The following ARMC1 variants were observed in gnomAD, a reference collection of about 807,000 sequenced individuals.
ARMC1 encodes the protein armadillo repeat containing 1, also known as armadillo repeat-containing protein 1.
Under a neutral mutation model 31.4 loss-of-function variants are expected in ARMC1, and 16 were observed. The ratio of observed to expected loss-of-function variants is 0.51; its 90% CI spans 0.34 to 0.77. The LOEUF is 0.77. Ranked by LOEUF, ARMC1 falls within the 30% of genes least tolerant of loss-of-function variation. The probability of loss-of-function intolerance (pLI) is 0.01; values close to 1 mark genes in which losing one functional copy is unlikely to be tolerated. For missense variants in ARMC1, 259 were observed against 347.5 expected, an observed-to-expected ratio of 0.75 and a Z score of 2.02; for synonymous variants, 114 against 118.9, an observed-to-expected ratio of 0.96 and a Z score of 0.27.
At chr8:65,608,453 C>G (rs1427273097) in intron 4 of ARMC1, among the ~76,000 whole-genome samples, 2 of 150,880 alleles carry the variant, frequency 1.3e-5, no homozygotes, top group Non-Finnish European at 1.5e-5. Context: ...TACTTGAACC[C>G]AGGGGGTGGA....
At chr8:65,610,737 A>G (rs1034443850) in intron 4 of ARMC1, among the ~76,000 whole-genome samples, 17 of 152,088 alleles carry the variant, frequency 1.1e-4, no homozygotes, top group African/African-American at 3.6e-4. Flanking sequence ...CAGACACCAG[A>G]AAACATGCTT....
intron 2 of ARMC1, among the ~76,000 whole-genome samples, chr8:65,624,510 A>AAAAAAAAAAAAAAAAC (rs1808472213): frequency 6.6e-6 from 1 of 151,432 alleles, no homozygotes; most frequent in African/African-American, 2.4e-5. Context: ...AAAAAAAAAA[A>AAAAAAAAAAAAAAAAC]AGACATTTTT....
intron 3 of ARMC1, among the ~76,000 whole-genome samples, chr8:65,620,799 T>TAAAAAAAAAAAAC (rs112946805): frequency 7.2e-6 from 1 of 139,144 alleles, no homozygotes; most frequent in Non-Finnish European, 1.5e-5. Context: ...TAGTTCCATT[T>TAAAAAAAAAAAAC]AAAAAAAAAC....
chr8:65,613,852 C>T (rs1043656919), intron 3 of ARMC1, among the ~76,000 whole-genome samples: 9 of 151,454 alleles, frequency 5.9e-5, no homozygotes, highest in Non-Finnish European at 1.2e-4. Context: ...CCCAGCTACT[C>T]AGGAGTCTGA....
At chr8:65,606,269 G>A (rs1323970262) in intron 4 of ARMC1, among the ~76,000 whole-genome samples, 1 of 151,648 alleles carries the variant, frequency 6.6e-6, no homozygotes, top group Non-Finnish European at 1.5e-5. Flanking sequence ...GCTGAGGCAG[G>A]AGAGTCACTT....
At chr8:65,606,030 G>C (rs990224466) in intron 4 of ARMC1, among the ~76,000 whole-genome samples, 3 of 152,084 alleles carry the variant, frequency 2.0e-5, no homozygotes, top group Middle Eastern at 3.2e-3. Context: ...AGACCATCAT[G>C]GTCTACAAAG....
intron 4 of ARMC1, among the ~76,000 whole-genome samples, chr8:65,607,440 C>G (rs1385912492): frequency 6.6e-6 from 1 of 152,204 alleles, no homozygotes; most frequent in Non-Finnish European, 1.5e-5. Flanking sequence ...CAGGTAGAGT[C>G]TGGTACTAAA....
intron 3 of ARMC1, among the ~76,000 whole-genome samples, chr8:65,616,980 C>T (rs1808281623): frequency 6.6e-6 from 1 of 151,668 alleles, no homozygotes; most frequent in African/African-American, 2.4e-5. Flanking sequence ...CGCCCGGCAG[C>T]CGCCCCATCC....
intron 2 of ARMC1, among the ~76,000 whole-genome samples, chr8:65,625,366 A>G (rs1808491188): frequency 6.6e-6 from 1 of 152,214 alleles, no homozygotes; most frequent in African/African-American, 2.4e-5. Flanking sequence ...GTGAGCCTAC[A>G]ACAGGCCTGA....
chr8:65,616,474 G>C (rs917810813), intron 3 of ARMC1, among the ~76,000 whole-genome samples: 1 of 152,318 alleles, frequency 6.6e-6, no homozygotes, highest in Non-Finnish European at 1.5e-5. Context: ...GCGTAATCTC[G>C]GCTGGCTACA....
intron 1 of ARMC1, among the ~76,000 whole-genome samples, chr8:65,630,815 T>C (rs1808627318): frequency 1.1e-5 from 1 of 94,564 alleles, no homozygotes. Flanking sequence ...CCAGACTCCG[T>C]CTAAAAAAAA....
intron 3 of ARMC1, among the ~76,000 whole-genome samples, chr8:65,615,156 T>C (rs1808222614): frequency 6.6e-6 from 1 of 152,134 alleles, no homozygotes; most frequent in Admixed American, 6.6e-5. Flanking sequence ...TCAATTACTA[T>C]ATCAAGTGCT....
intron 3 of ARMC1, among the ~76,000 whole-genome samples, chr8:65,617,170 T>A (rs564357627): frequency 5.3e-5 from 8 of 152,356 alleles, no homozygotes; most frequent in African/African-American, 1.9e-4. Flanking sequence ...GGCGGTTTTG[T>A]CGAATAGAAA....
intron 1 of ARMC1, among the ~76,000 whole-genome samples, chr8:65,627,799 A>G (rs1436813940): frequency 6.6e-6 from 1 of 152,248 alleles, no homozygotes; most frequent in Non-Finnish European, 1.5e-5. Context: ...GACTATTTCT[A>G]GCCCTAAAAC....
intron 6 of ARMC1, 94 bp from the exon 7 acceptor site, chr8:65,604,679 T>C (rs1807964931): frequency 1.7e-5 from 19 of 1,090,990 alleles, no homozygotes; most frequent in Non-Finnish European, 2.5e-5. Context: ...TCCTCTTACA[T>C]GACAGTAGGC....
At chr8:65,613,210 A>G in intron 4 of ARMC1, 34 bp downstream of exon 4, 1 of 1,509,558 alleles carries the variant, frequency 6.6e-7, no homozygotes, top group East Asian at 2.3e-5. Flanking sequence ...TATTCAGTAA[A>G]CATGATTTCT....
At chr8:65,611,214 G>A (rs553901055) in intron 4 of ARMC1, among the ~76,000 whole-genome samples, 3 of 152,266 alleles carry the variant, frequency 2.0e-5, no homozygotes, top group South Asian at 2.1e-4. Context: ...CATTACCGGC[G>A]TAAGCCACCA....
chr8:65,632,358 T>C (rs1163698403), intron 1 of ARMC1, among the ~76,000 whole-genome samples: 1 of 151,920 alleles, frequency 6.6e-6, no homozygotes, highest in African/African-American at 2.4e-5. Flanking sequence ...ATAATAATAA[T>C]AATAATAAAA....
intron 3 of ARMC1, among the ~76,000 whole-genome samples, chr8:65,618,382 C>T (rs1393479991): frequency 2.0e-5 from 3 of 151,672 alleles, no homozygotes; most frequent in South Asian, 2.1e-4. Context: ...ATTAGCCGGG[C>T]GTGGTGGCGG....
Sources: gnomAD v4.1 joint callset for allele counts (sites outside exome capture counted in the v4.1 genomes callset) on GRCh38, gnomAD v4.1.1 for gene constraint, MANE v1.5 for transcripts, NCBI Gene and HGNC (gene_info 2026-07-23, HGNC 2026-07-21) for gene names.